The following AFDN variants were observed in gnomAD, a reference collection of about 807,000 sequenced individuals.
AFDN encodes the protein afadin.
A neutral mutation model predicts 216.6 loss-of-function variants in AFDN; 68 were observed. The ratio of observed to expected loss-of-function variants is 0.31; its 90% confidence interval spans 0.26 to 0.38. The LOEUF (loss-of-function observed/expected upper bound fraction) is 0.38. Ranked by LOEUF, AFDN falls within the 10% of genes least tolerant of loss-of-function variation. The pLI is 1.00. For synonymous variants in AFDN, 868 were observed against 853.7 expected (o/e 1.02, Z -0.29); for missense variants, 2,136 against 2,342.0 (o/e 0.91, Z 1.82).
chr6:167,858,949 C>G (rs931006093), intron 1 of AFDN, among the ~76,000 whole-genome samples: 3 of 151,804 alleles, frequency 2.0e-5, no homozygotes, highest in African/African-American at 7.3e-5. Context: ...TAATAGAAAA[C>G]TGGGTTTCTA....
In AFDN at chr6:167,874,233, A is replaced by G. The variant is rs751038297; in HGVS notation, c.579-1102A>G. Among the ~76,000 whole-genome samples, 4 of 152,322 alleles carry G rather than the reference A, an allele frequency of 2.6e-5. No homozygotes were observed. In the Middle Eastern group the frequency reaches 0.01, roughly 389 times the overall value. ...GACTACATAGCGAGACCCTGTCTCA[A>G]AATAAACCAAAACAAACCAAAAGCT... On this transcript the variant is annotated intron_variant, in intron 4 of 33. Coordinates refer to ENST00000683244, the MANE Select transcript of AFDN (RefSeq NM_001386888.1).
chr6:167,866,174 C>T (rs372609780), intron 2 of AFDN, among the ~76,000 whole-genome samples: 24 of 151,926 alleles, frequency 1.6e-4, no homozygotes, highest in Non-Finnish European at 3.4e-4. Context: ...AGTGTGAAGT[C>T]TGAATAATAT....
chr6:167,850,707 CT>C (rs1782200274), intron 1 of AFDN, among the ~76,000 whole-genome samples: 1 of 152,034 alleles, frequency 6.6e-6, no homozygotes, highest in Admixed American at 6.5e-5. Flanking sequence ...AAAACATTTT[CT>C]TGGGTTTTCT....
chr6:167,928,667 T>A (rs754341833), intron 23 of AFDN, among the ~76,000 whole-genome samples: 65 of 152,340 alleles, frequency 4.3e-4, no homozygotes, highest in Middle Eastern at 3.4e-3. Context: ...GAGCCCATGC[T>A]GCTTGAATGG....
At chr6:167,854,644 C>T (rs186176054) in intron 1 of AFDN, among the ~76,000 whole-genome samples, 10 of 151,738 alleles carry the variant, frequency 6.6e-5, no homozygotes, top group Admixed American at 6.6e-5. Context: ...TTCTCTTTGC[C>T]GTCTGTCTGT....
chr6:167,935,584 GA>G (rs1325641777), intron 23 of AFDN, among the ~76,000 whole-genome samples: 2 of 152,164 alleles, frequency 1.3e-5, no homozygotes, highest in African/African-American at 4.8e-5. Flanking sequence ...TTTCTTTAAA[GA>G]AACTGGTTTG....
intron 5 of AFDN, among the ~76,000 whole-genome samples, chr6:167,876,649 G>A (rs1295880751): frequency 1.3e-5 from 2 of 152,158 alleles, no homozygotes; most frequent in African/African-American, 4.8e-5. Context: ...CTCAGGTATG[G>A]GCTAGAGGTA....
intron 31 of AFDN, 91 bp from the exon 32 acceptor site, chr6:167,965,666 A>T (rs1797461782): frequency 8.3e-7 from 1 of 1,202,090 alleles, no homozygotes; most frequent in Admixed American, 2.9e-5. Flanking sequence ...CGTCAGTGTG[A>T]TGATGAGGAT....
rs567772085 is a variant in AFDN, at chr6:167,846,891, G to A, written c.106-17660G>A. Among the ~76,000 whole-genome samples the A allele has an allele frequency of 4.0e-5, 6 of 151,840 alleles. No homozygotes were observed. The East Asian group carries it at 9.7e-4, about 24-fold the overall frequency. Reference sequence around the variant, plus strand: ...AATATAATTCGTCAACTGAATCTGCGTTAAGACATTCAATAATTGTATTAT... The same window carrying A: ...AATATAATTCGTCAACTGAATCTGCATTAAGACATTCAATAATTGTATTAT... On this transcript the variant is annotated intron_variant, in intron 1 of 33. Transcript: ENST00000683244.
chr6:167,937,449 T>C (rs1794150382), intron 23 of AFDN, among the ~76,000 whole-genome samples: 1 of 152,200 alleles, frequency 6.6e-6, no homozygotes, highest in African/African-American at 2.4e-5. Context: ...GATCTCGCCA[T>C]GTTGCCTAGG....
Position 167,971,354 on chromosome 6 carries a change from A to G in AFDN, c.*1419A>G, listed in dbSNP as rs1798010301. 1.4e-5 allele frequency: 3 copies of G among 212,574 alleles called. No homozygotes were observed. The Admixed American group carries it at 1.8e-4, about 12-fold the overall frequency. 13.2% of individuals were successfully genotyped at this position (212,574 alleles called of 1,614,324 possible). A position where few individuals can be genotyped will look rare whatever the true frequency, so the allele number is the denominator to read the frequency against. ...TAGGCACACTTTCAAAGAGAGGTAT[A>G]GGGGCTTTTTACTGCCTTCGAAATC... On this transcript the variant is annotated 3_prime_UTR_variant, in exon 34 of 34. Transcript: ENST00000683244.
intron 9 of AFDN, among the ~76,000 whole-genome samples, chr6:167,894,507 T>C (rs1787996775): frequency 1.3e-5 from 2 of 152,128 alleles, no homozygotes; most frequent in South Asian, 2.1e-4. Flanking sequence ...TCCTTCTAAT[T>C]TGGAGAGGGA....
At chr6:167,921,218 G>A (rs769449987) in intron 21 of AFDN, among the ~76,000 whole-genome samples, 2 of 152,170 alleles carry the variant, frequency 1.3e-5, no homozygotes, top group Non-Finnish European at 2.9e-5. Context: ...GCCATAGGGC[G>A]GATCCTCACC....
upstream of AFDN, chr6:167,826,590 C>G: frequency 1.9e-5 from 10 of 526,162 alleles, no homozygotes; most frequent in South Asian, 1.4e-4. Context: ...CCGGACCCAA[C>G]ACAGCACCAC....
chr6:167,828,074 G>T (rs1044731059), intron 1 of AFDN: 7 of 152,202 alleles, frequency 4.6e-5, no homozygotes, highest in Non-Finnish European at 1.0e-4. Flanking sequence ...CCTGTAAATC[G>T]CTCCGCAAGG....
At chr6:167,893,748 C>T (rs187138603) in intron 8 of AFDN, 114 bp from the exon 9 acceptor site, 1 of 791,764 alleles carries the variant, frequency 1.3e-6, no homozygotes, top group East Asian at 2.7e-5. Context: ...ACGTGTCTCA[C>T]TGAAGTTCAC....
intron 2 of AFDN, chr6:167,864,969 A>G: frequency 1.4e-6 from 1 of 698,782 alleles, no homozygotes; most frequent in East Asian, 2.6e-5. Flanking sequence ...GAATGAATAT[A>G]TTAATTTTGC....
At chr6:167,952,256 G>A (rs1260887892) in intron 30 of AFDN, 69 bp downstream of exon 30, 3 of 1,610,380 alleles carry the variant, frequency 1.9e-6, no homozygotes, top group African/African-American at 2.7e-5. Flanking sequence ...GTTTCCCATG[G>A]GGATAGCTAG....
At chr6:167,956,114 C>CAAA (rs59521151) in intron 30 of AFDN, among the ~76,000 whole-genome samples, 2,912 of 41,284 alleles carry the variant, frequency 0.071, 504 homozygotes, top group East Asian at 0.19. Flanking sequence ...GACTTTGGCT[C>CAAA]AAAAAAAAAA....
Sources: gnomAD v4.1 joint callset for allele counts (sites outside exome capture counted in the v4.1 genomes callset) on GRCh38, gnomAD v4.1.1 for gene constraint, MANE v1.5 for transcripts, NCBI Gene and HGNC (gene_info 2026-07-23, HGNC 2026-07-21) for gene names.